Variants in CR1 observed in about 807,000 individuals in gnomAD.
CR1 encodes complement C3b/C4b receptor 1 (Knops blood group), also known as complement receptor type 1.
A neutral mutation model predicts 187.3 loss-of-function variants in CR1; 116 were observed. The ratio of observed to expected loss-of-function variants is 0.62; its 90% CI spans 0.53 to 0.72. The LOEUF (loss-of-function observed/expected upper bound fraction) is 0.72, where lower values mean the gene tolerates loss of function less well. Among genes scored for constraint, CR1 ranks in the 30% least tolerant of loss-of-function variants. The pLI, the probability that CR1 is intolerant of heterozygous loss-of-function variation, is 0.00. For missense variants in CR1, 1,731 were observed against 2,110.7 expected (o/e 0.82, Z 3.52); for synonymous variants, 576 against 747.1 (o/e 0.77, Z 3.73).
At chr1:207,636,027 T>G (rs1662802159) in intron 46 of CR1, among the ~76,000 whole-genome samples, 1 of 152,068 alleles carries the variant, frequency 6.6e-6, no homozygotes, top group African/African-American at 2.4e-5. Context: ...CTATGTCTAC[T>G]TCTTTCTACA....
At chr1:207,514,026 T>A (rs1272485065) in intron 4 of CR1, among the ~76,000 whole-genome samples, 1 of 152,136 alleles carries the variant, frequency 6.6e-6, no homozygotes, top group Non-Finnish European at 1.5e-5. Flanking sequence ...TGCTAAAAAA[T>A]TTATGTCTTT....
chr1:207,581,307 CGTATATGTATACGTATACATGTACATGT>C (rs1558245617), intron 31 of CR1, among the ~76,000 whole-genome samples: 1 of 145,156 alleles, frequency 6.9e-6, no homozygotes, highest in East Asian at 2.0e-4. Context: ...CATATGGACA[CGTATATGTATACGTATACATGTACATGT>C]GTATATGTAT....
chr1:207,610,721 T>C (rs933248822), intron 37 of CR1, among the ~76,000 whole-genome samples: 9 of 152,186 alleles, frequency 5.9e-5, no homozygotes, highest in Non-Finnish European at 1.2e-4. Flanking sequence ...CTAAGCAATA[T>C]GTTCTATCAC....
chr1:207,579,579 C>T (rs1472712359), intron 29 of CR1, among the ~76,000 whole-genome samples: 1 of 152,190 alleles, frequency 6.6e-6, no homozygotes, highest in Non-Finnish European at 1.5e-5. Context: ...ATGGCAACGA[C>T]CTAGAAGTTA....
intron 46 of CR1, among the ~76,000 whole-genome samples, chr1:207,634,248 C>G (rs190420029): frequency 4.4e-4 from 67 of 152,286 alleles, no homozygotes; most frequent in Admixed American, 1.4e-3. Flanking sequence ...TGGAAATACT[C>G]TTACATCAAA....
intron 1 of CR1, among the ~76,000 whole-genome samples, chr1:207,498,153 G>C (rs1490828569): frequency 6.6e-6 from 1 of 152,310 alleles, no homozygotes; most frequent in East Asian, 1.9e-4. Flanking sequence ...TGATCTCTGA[G>C]AGAGACGTTT....
Position 207,584,896 on chromosome 1 carries a change from T to C in CR1, c.5530+20T>C, listed in dbSNP as rs780964106. The C allele has an allele frequency of 1.2e-6, 2 of 1,613,702 alleles. No individual in the cohort carries two copies. Among genetic ancestry groups the C allele is most frequent in the Admixed American group, 3.3e-5 (2 of 60,010 alleles). The stretch of plus-strand genomic sequence containing the variant: ...GTGCTGGTCAGTATCCACTTCCACA[T>C]ATCCTAAATGGGTTCAGAATATGTG... On this transcript the variant is annotated intron_variant, in intron 33 of 46. Transcript: ENST00000367049.
chr1:207,510,724 C>CCCTTCCTTCCTTCCTA (rs1238983933), intron 3 of CR1, among the ~76,000 whole-genome samples: 2,386 of 89,974 alleles, frequency 0.027, 78 homozygotes, highest in African/African-American at 0.093. Flanking sequence ...GTTATGTATC[C>CCCTTCCTTCCTTCCTA]CCTTCCTTCC....
At chr1:207,625,391 A>G (rs1185551709) in intron 45 of CR1, among the ~76,000 whole-genome samples, 3 of 152,234 alleles carry the variant, frequency 2.0e-5, no homozygotes, top group Non-Finnish European at 4.4e-5. Flanking sequence ...CCAAACATCT[A>G]TGTAACCCAC....
At chr1:207,515,285 A>G (rs1454684693) in intron 4 of CR1, among the ~76,000 whole-genome samples, 2 of 148,834 alleles carry the variant, frequency 1.3e-5, no homozygotes, top group African/African-American at 4.9e-5. Flanking sequence ...ATATAGGTAT[A>G]TGTATACATA....
chr1:207,597,653 T>C (rs759241602), intron 35 of CR1, among the ~76,000 whole-genome samples: 3 of 152,184 alleles, frequency 2.0e-5, no homozygotes. Flanking sequence ...CTGGTGGAAA[T>C]GTAAAATGGT....
intron 3 of CR1, among the ~76,000 whole-genome samples, chr1:207,510,873 G>A (rs1458353827): frequency 6.7e-6 from 1 of 149,082 alleles, no homozygotes; most frequent in Admixed American, 6.7e-5. Flanking sequence ...CCAGGCTGGA[G>A]TGCAGTGGCA....
intron 4 of CR1, among the ~76,000 whole-genome samples, chr1:207,512,944 A>T (rs1481230090): frequency 6.6e-6 from 1 of 152,216 alleles, no homozygotes; most frequent in Non-Finnish European, 1.5e-5. Flanking sequence ...AAGATTTACA[A>T]TACATGCTTT....
intron 4 of CR1, among the ~76,000 whole-genome samples, chr1:207,521,787 C>T (rs1299927004): frequency 2.7e-5 from 4 of 147,192 alleles, no homozygotes; most frequent in African/African-American, 7.5e-5. Context: ...GTGTGCACCA[C>T]CACACCTACA....
chr1:207,629,287 C>A lies in CR1; in HGVS notation c.7353-1230C>A, dbSNP rs1333268960. On this transcript the variant is annotated intron_variant, in intron 45 of 46. Coordinates refer to ENST00000367049, the MANE Select transcript of CR1 (RefSeq NM_000651.6). ...TTAAGGCCATCCTCTGTGAAGTCTC[C>A]CTGAATTTTCCTATGTTCACATTAA... 3.3e-5 allele frequency among the ~76,000 whole-genome samples: 5 copies of A among 152,092 alleles called. No homozygotes were observed. In the East Asian group the frequency reaches 7.7e-4, roughly 23 times the overall value.
chr1:207,627,366 G>A (rs1662514678), intron 45 of CR1, among the ~76,000 whole-genome samples: 1 of 152,144 alleles, frequency 6.6e-6, no homozygotes, highest in Admixed American at 6.5e-5. Flanking sequence ...AATCTAAACT[G>A]TCCCTGGGAC....
intron 35 of CR1, among the ~76,000 whole-genome samples, chr1:207,597,474 C>T (rs1017398972): frequency 2.6e-5 from 4 of 152,070 alleles, no homozygotes; most frequent in Non-Finnish European, 4.4e-5. Flanking sequence ...TATACAAATG[C>T]CCAATAAACA....
intron 27 of CR1, 77 bp from the exon 28 acceptor site, chr1:207,575,518 G>T (rs941154514): frequency 5.7e-6 from 9 of 1,580,204 alleles, no homozygotes; most frequent in Admixed American, 5.0e-5. Context: ...TAATCCTTCT[G>T]GTTTGCCACA....
intron 24 of CR1, among the ~76,000 whole-genome samples, chr1:207,567,147 T>C (rs1660526134): frequency 6.7e-6 from 1 of 150,216 alleles, no homozygotes; most frequent in South Asian, 2.1e-4. Context: ...TCTAAACAAA[T>C]CATTAGATGC....
Sources: gnomAD v4.1 joint callset for allele counts (sites outside exome capture counted in the v4.1 genomes callset) on GRCh38, gnomAD v4.1.1 for gene constraint, MANE v1.5 for transcripts, NCBI Gene and HGNC (gene_info 2026-07-23, HGNC 2026-07-21) for gene names.